The following TNRC6B variants were observed in gnomAD, a reference collection of about 807,000 sequenced individuals.
TNRC6B encodes trinucleotide repeat-containing gene 6B protein.
Under a neutral mutation model 203.6 loss-of-function variants are expected in TNRC6B, and 52 were observed. The observed-to-expected ratio is 0.26, with a 90% confidence interval of 0.20 to 0.32. TNRC6B has a LOEUF of 0.32. TNRC6B is among the 10% of genes least tolerant of loss of function. TNRC6B has a pLI of 1.00. For missense variants in TNRC6B, 1,923 were observed against 2,286.2 expected (o/e 0.84, Z 3.24); for synonymous variants, 838 against 845.7 (o/e 0.99, Z 0.16).
intron 1 of TNRC6B, among the ~76,000 whole-genome samples, chr22:40,209,484 T>C (rs763836914): frequency 6.6e-5 from 10 of 152,160 alleles, no homozygotes; most frequent in Admixed American, 2.0e-4. Flanking sequence ...GTAAAAACTC[T>C]GTAATTTACT....
At chr22:40,308,781 G>A in intron 16 of TNRC6B, 132 bp downstream of exon 16, 1 of 1,098,384 alleles carries the variant, frequency 9.1e-7, no homozygotes, top group African/African-American at 1.6e-5. Context: ...TGTGGAGGAA[G>A]GTCAGAGTCA....
In TNRC6B at chr22:40,292,067, G is replaced by A. The variant is rs772780470; in HGVS notation, c.3708+6297G>A. ...AACTTAACTGGGTGTGGTGGCAGGC[G>A]TCTGTAGTCCCAGCTGCTCAGGAGG... On this transcript the variant is annotated intron_variant, in intron 12 of 22. Coordinates refer to ENST00000454349, the MANE Select transcript of TNRC6B (RefSeq NM_001162501.2). Among the ~76,000 whole-genome samples, 43 of 152,176 alleles carry A rather than the reference G, an allele frequency of 2.8e-4. 1 individual carries two copies. The highest frequency in any genetic ancestry group is 4.7e-4 in the Non-Finnish European group (32 of 68,024).
chr22:40,234,898 ATACATATTT>A (rs2069927126), intron 1 of TNRC6B, among the ~76,000 whole-genome samples: 1 of 152,192 alleles, frequency 6.6e-6, no homozygotes, highest in Admixed American at 6.5e-5. Context: ...CAAATCCAAT[ATACATATTT>A]GGAGTACCCT....
intron 21 of TNRC6B, 49 bp from the exon 22 acceptor site, chr22:40,321,041 T>C (rs1340866674): frequency 6.2e-7 from 1 of 1,605,592 alleles, no homozygotes; most frequent in Admixed American, 1.7e-5. Context: ...AAATGTACCT[T>C]TTCCACCCCA....
upstream of TNRC6B, among the ~76,000 whole-genome samples, chr22:40,174,550 T>A (rs2037546254): frequency 6.6e-6 from 1 of 152,230 alleles, no homozygotes; most frequent in Non-Finnish European, 1.5e-5. Context: ...CTTTGAAAGA[T>A]AACAGTCATT....
chr22:40,091,577 T>C (rs1446644630), intron 1 of TNRC6B, among the ~76,000 whole-genome samples: 1 of 152,230 alleles, frequency 6.6e-6, no homozygotes, highest in Admixed American at 6.5e-5. Context: ...CTAATGTTTT[T>C]AAAGTGTAAT....
In TNRC6B at chr22:40,324,149, G is replaced by GGAGCTCCTTTCCATTTGCAACTTA. The variant is rs2146584541; in HGVS notation, c.*910_*933dup. The GGAGCTCCTTTCCATTTGCAACTTA allele has an allele frequency of 6.5e-6, 1 of 152,724 alleles. No individual in the cohort carries two copies. Among genetic ancestry groups the GGAGCTCCTTTCCATTTGCAACTTA allele is most frequent in the Admixed American group, 6.5e-5 (1 of 15,300 alleles). 9.5% of individuals were successfully genotyped at this position (152,724 alleles called of 1,614,324 possible). On this transcript the variant is annotated 3_prime_UTR_variant, in exon 23 of 23. Transcript: ENST00000454349. ...GAGTGCTTTTTAATGATGAAAGCAG[G>GGAGCTCCTTTCCATTTGCAACTTA]GAGCTCCTTTCCATTTGCAACTTAG...
At chr22:40,123,954 A>G (rs903159381) in intron 2 of TNRC6B, among the ~76,000 whole-genome samples, 3 of 150,902 alleles carry the variant, frequency 2.0e-5, no homozygotes, top group Non-Finnish European at 4.4e-5. Flanking sequence ...TCAACTAGAG[A>G]AAGCCTATTT....
In TNRC6B at chr22:40,332,025, A is replaced by G. The variant is rs955329654; in HGVS notation, c.*8784A>G. ...CGTGCAGTGTTAATCCAGTGCAGCA[A>G]TGGAACTCCACAGGCTCCAGTGTTC... On this transcript the variant is annotated 3_prime_UTR_variant, in exon 23 of 23. Transcript: ENST00000454349. The G allele has an allele frequency of 1.6e-5, 3 of 182,200 alleles. No homozygotes were observed. The allele number at this position is 182,200 out of a possible 1,614,324, so 11.3% of individuals were successfully genotyped here.
intron 3 of TNRC6B, among the ~76,000 whole-genome samples, chr22:40,154,701 C>T (rs1264318297): frequency 4.0e-5 from 6 of 148,786 alleles, no homozygotes; most frequent in African/African-American, 1.5e-4. Context: ...ATTAGCTGAG[C>T]ATAGTGGCGG....
intron 1 of TNRC6B, among the ~76,000 whole-genome samples, chr22:40,095,162 A>T (rs1318797949): frequency 1.3e-5 from 2 of 151,856 alleles, no homozygotes; most frequent in African/African-American, 4.8e-5. Flanking sequence ...CAGCCTCATA[A>T]CTCTTTTTGC....
chr22:40,098,409 A>AG (rs1410275994), intron 1 of TNRC6B, among the ~76,000 whole-genome samples: 3 of 149,514 alleles, frequency 2.0e-5, no homozygotes, highest in African/African-American at 7.4e-5. Flanking sequence ...AAAAAAAAAA[A>AG]GGGAATTACT....
intron 4 of TNRC6B, among the ~76,000 whole-genome samples, chr22:40,168,623 T>A (rs531969622): frequency 1.3e-5 from 2 of 152,240 alleles, no homozygotes; most frequent in Non-Finnish European, 2.9e-5. Flanking sequence ...TTAGGTTGCA[T>A]TGGAGATCTA....
chr22:40,312,675 T>C (rs2072858), intron 18 of TNRC6B, 24 bp downstream of exon 18: 569,127 of 1,601,200 alleles, frequency 0.36, 105,185 homozygotes, highest in Admixed American at 0.53. Flanking sequence ...GCATCTCTTA[T>C]ATGTTCAACA....
At chr22:40,297,582 G>C (rs577743753) in intron 12 of TNRC6B, among the ~76,000 whole-genome samples, 2 of 152,168 alleles carry the variant, frequency 1.3e-5, no homozygotes, top group African/African-American at 4.8e-5. Flanking sequence ...CCAATACTTC[G>C]GGAGGCCAAG....
At chr22:40,199,237 T>C (rs1306209719) in intron 1 of TNRC6B, among the ~76,000 whole-genome samples, 2 of 152,142 alleles carry the variant, frequency 1.3e-5, no homozygotes, top group Non-Finnish European at 2.9e-5. Flanking sequence ...TACGGACTTA[T>C]CAGTAAATTC....
intron 1 of TNRC6B, among the ~76,000 whole-genome samples, chr22:40,082,882 T>C (rs1427109323): frequency 6.6e-6 from 1 of 152,156 alleles, no homozygotes; most frequent in Non-Finnish European, 1.5e-5. Context: ...ATGGAATGTT[T>C]TGGGGGGAAG....
chr22:40,058,033 T>C (rs1025023142), intron 1 of TNRC6B, among the ~76,000 whole-genome samples: 20 of 152,236 alleles, frequency 1.3e-4, no homozygotes, highest in Non-Finnish European at 2.6e-4. Flanking sequence ...TTTACACCAA[T>C]ATGTTTAAAA....
chr22:40,085,845 T>TTGC (rs1007926003), intron 1 of TNRC6B, among the ~76,000 whole-genome samples: 1 of 133,470 alleles, frequency 7.5e-6, no homozygotes, highest in African/African-American at 3.2e-5. Context: ...ATTTTTGTTG[T>TTGC]TGCTGTTGTT....
Sources: gnomAD v4.1 joint callset for allele counts (sites outside exome capture counted in the v4.1 genomes callset) on GRCh38, gnomAD v4.1.1 for gene constraint, MANE v1.5 for transcripts, NCBI Gene and HGNC (gene_info 2026-07-23, HGNC 2026-07-21) for gene names.